RAPH1: variants seen among roughly 807,000 people sequenced by gnomAD.
The protein encoded by RAPH1 is ras-associated and pleckstrin homology domains-containing protein 1.
Under a neutral mutation model 88.1 loss-of-function variants are expected in RAPH1, and 18 were observed. That is an observed-to-expected ratio of 0.20 (90% CI 0.14 to 0.30). RAPH1 has a LOEUF of 0.30. Ranked by LOEUF, RAPH1 falls within the 10% of genes least tolerant of loss-of-function variation. The probability of loss-of-function intolerance (pLI) is 1.00; values close to 1 mark genes in which losing one functional copy is unlikely to be tolerated. For missense variants in RAPH1, 1,448 were observed against 1,543.2 expected, an observed-to-expected ratio of 0.94 and a Z score of 1.03; for synonymous variants, 587 against 559.0, an observed-to-expected ratio of 1.05 and a Z score of -0.71.
intron 4 of RAPH1, among the ~76,000 whole-genome samples, chr2:203,487,503 C>A (rs1688024164): frequency 6.6e-6 from 1 of 152,090 alleles, no homozygotes; most frequent in Non-Finnish European, 1.5e-5. Context: ...ACCTCACCCT[C>A]CCGAGCAGCT....
At chr2:203,479,585 G>A (rs1246546576) in intron 4 of RAPH1, among the ~76,000 whole-genome samples, 6 of 145,090 alleles carry the variant, frequency 4.1e-5, no homozygotes, top group Non-Finnish European at 7.5e-5. Context: ...TCCAGCCTGA[G>A]CAACAGAGCA....
intron 2 of RAPH1, among the ~76,000 whole-genome samples, chr2:203,493,961 G>T (rs1482051822): frequency 1.1e-5 from 1 of 94,922 alleles, no homozygotes; most frequent in African/African-American, 4.1e-5. Context: ...ACAGGAGTGA[G>T]ACTCTATCTC....
chr2:203,481,499 G>A (rs1687716617), intron 4 of RAPH1, among the ~76,000 whole-genome samples: 2 of 150,654 alleles, frequency 1.3e-5, no homozygotes, highest in South Asian at 2.1e-4. Flanking sequence ...TTATATAGCC[G>A]GTAAATCTGT....
At chr2:203,513,730 G>T (rs184142100) in intron 1 of RAPH1, among the ~76,000 whole-genome samples, 1 of 149,200 alleles carries the variant, frequency 6.7e-6, no homozygotes, top group Non-Finnish European at 1.5e-5. Flanking sequence ...AGCTACTCGG[G>T]AGGCTGAGGC....
chr2:203,479,369 T>A (rs188372479), intron 4 of RAPH1, among the ~76,000 whole-genome samples: 2 of 152,248 alleles, frequency 1.3e-5, no homozygotes, highest in Admixed American at 1.3e-4. Flanking sequence ...TTTGGGAGGC[T>A]GAGGCGGGCG....
chr2:203,516,275 G>A (rs942021340), intron 1 of RAPH1, among the ~76,000 whole-genome samples: 3 of 152,150 alleles, frequency 2.0e-5, no homozygotes, highest in Non-Finnish European at 4.4e-5. Context: ...GATACACTAA[G>A]AAAGGAGAGA....
At chr2:203,505,837 ACG>A (rs983011347) in intron 1 of RAPH1, among the ~76,000 whole-genome samples, 2 of 152,160 alleles carry the variant, frequency 1.3e-5, no homozygotes, top group Non-Finnish European at 2.9e-5. Flanking sequence ...CTATACACAC[ACG>A]CGCGCGCACG....
intron 1 of RAPH1, among the ~76,000 whole-genome samples, chr2:203,515,517 G>A (rs958622016): frequency 6.6e-6 from 1 of 152,172 alleles, no homozygotes; most frequent in Non-Finnish European, 1.5e-5. Flanking sequence ...CTAAGCTGGT[G>A]TCTTTTATTG....
intron 4 of RAPH1, among the ~76,000 whole-genome samples, chr2:203,484,584 T>C (rs2443802): frequency 0.073 from 11,154 of 152,116 alleles, 671 homozygotes; most frequent in African/African-American, 0.16. Flanking sequence ...TATGGCTGAG[T>C]GGTAACCAAT....
At chr2:203,503,497 C>G (rs1345399940) in intron 1 of RAPH1, among the ~76,000 whole-genome samples, 1 of 152,068 alleles carries the variant, frequency 6.6e-6, no homozygotes, top group Admixed American at 6.5e-5. Flanking sequence ...AAAGACTGGC[C>G]CCCAAGATTC....
chr2:203,474,709 A>C (rs2098535871), intron 4 of RAPH1, among the ~76,000 whole-genome samples: 1 of 152,252 alleles, frequency 6.6e-6, no homozygotes, highest in Admixed American at 6.5e-5. Flanking sequence ...AATTCCTTTG[A>C]ACAGAATTAA....
intron 10 of RAPH1, among the ~76,000 whole-genome samples, chr2:203,450,971 T>C (rs1559453173): frequency 2.6e-5 from 4 of 151,980 alleles, no homozygotes; most frequent in Admixed American, 6.6e-5. Flanking sequence ...GTTCTCCTCA[T>C]CTCTCTAACC....
rs1559494710 is a variant in RAPH1, at chr2:203,506,838, CTATATATCTATCTATATCTATATATATA to C, written c.1-11513_1-11486del. Among the ~76,000 whole-genome samples, 58 of 8,528 alleles carry C rather than the reference CTATATATCTATCTATATCTATATATATA, an allele frequency of 6.8e-3. 1 individual carries two copies. Among genetic ancestry groups the C allele is most frequent in the East Asian group, 0.013 (4 of 302 alleles). 5.6% of individuals were successfully genotyped at this position (8,528 alleles called of 152,430 possible). A position where few individuals can be genotyped will look rare whatever the true frequency, so the allele number is the denominator to read the frequency against. ...TATATATCTATATATATATCTATAT[CTATATATCTATCTATATCTATATATATA>C]TATATATATATATAGATATATATAT... is the stretch of plus-strand genomic sequence containing the variant. On this transcript the variant is annotated intron_variant, in intron 1 of 13. Transcript: ENST00000319170.
At chr2:203,454,622 G>C (rs1581268156) in intron 9 of RAPH1, 82 bp from the exon 10 acceptor site, 1 of 943,826 alleles carries the variant, frequency 1.1e-6, no homozygotes, top group East Asian at 2.6e-5. Context: ...TTCTAGGTGA[G>C]AATCAAAACT....
intron 1 of RAPH1, among the ~76,000 whole-genome samples, chr2:203,532,610 C>A (rs946772513): frequency 1.3e-5 from 2 of 152,060 alleles, no homozygotes; most frequent in African/African-American, 2.4e-5. Flanking sequence ...AGGGTTATGG[C>A]GAGAATTAAA....
chr2:203,526,790 C>T (rs1410050771), intron 1 of RAPH1, among the ~76,000 whole-genome samples: 4 of 137,040 alleles, frequency 2.9e-5, no homozygotes, highest in African/African-American at 1.1e-4. Context: ...TTTTCTTTTT[C>T]TTTTTTTTTT....
In RAPH1 at chr2:203,434,374, TC is replaced by T. The variant is rs2098496600; in HGVS notation, c.*5062del. The T allele has an allele frequency of 6.6e-6, 1 of 152,512 alleles. No homozygotes were observed. Among genetic ancestry groups the T allele is most frequent in the Non-Finnish European group, 1.5e-5 (1 of 68,018 alleles). 9.4% of individuals were successfully genotyped at this position (152,512 alleles called of 1,614,324 possible). A position where few individuals can be genotyped will look rare whatever the true frequency, so the allele number is the denominator to read the frequency against. ...TTTAAAGAACTGAGGGAGGGAGCAA[TC>T]CCAGTTAAATATAATGTGCAATTCC... On this transcript the variant is annotated 3_prime_UTR_variant, in exon 14 of 14. Transcript: ENST00000319170.
chr2:203,452,348 T>G (rs1183179170), intron 10 of RAPH1, among the ~76,000 whole-genome samples: 1 of 152,206 alleles, frequency 6.6e-6, no homozygotes, highest in Non-Finnish European at 1.5e-5. Context: ...GAAATTACCA[T>G]GCAAAAGATG....
chr2:203,499,946 C>T (rs1029856799), intron 1 of RAPH1, among the ~76,000 whole-genome samples: 1 of 152,158 alleles, frequency 6.6e-6, no homozygotes, highest in African/African-American at 2.4e-5. Context: ...GGTCAGCCCT[C>T]TAAACTTAAA....
Sources: gnomAD v4.1 joint callset for allele counts (sites outside exome capture counted in the v4.1 genomes callset) on GRCh38, gnomAD v4.1.1 for gene constraint, MANE v1.5 for transcripts, NCBI Gene and HGNC (gene_info 2026-07-23, HGNC 2026-07-21) for gene names.